The following THNSL2 variants were observed in gnomAD, a reference collection of about 807,000 sequenced individuals.
THNSL2 encodes threonine synthase-like 2.
THNSL2 carries 34 observed loss-of-function variants against 40.0 expected under a neutral mutation model. That is an observed-to-expected ratio of 0.85 (90% CI 0.65 to 1.13). THNSL2 has a LOEUF of 1.13. Among genes scored for constraint, THNSL2 ranks in the 50% most tolerant of loss-of-function variants. The pLI, the probability that THNSL2 is intolerant of heterozygous loss-of-function variation, is 0.00. For synonymous variants in THNSL2, 241 were observed against 247.5 expected (o/e 0.97, Z 0.25); for missense variants, 537 against 608.8 (o/e 0.88, Z 1.24).
chr2:88,175,356 C>T lies in THNSL2; in HGVS notation c.526C>T (p.Leu176Phe), dbSNP rs780428633. 2 of 1,614,178 alleles carry T rather than the reference C, an allele frequency of 1.2e-6. No individual in the cohort carries two copies. The highest frequency in any genetic ancestry group is 1.1e-5 in the South Asian group (1 of 91,074). The part of the protein sequence containing the change: ...PKGHCTKIQE[L>F]QMTTVLKQNV... ...AGGTCACTGCACAAAGATTCAGGAGCTCCAGATGACAACGGTGCTGAAGCA... is the reference window on the plus strand; with the variant it reads ...AGGTCACTGCACAAAGATTCAGGAGTTCCAGATGACAACGGTGCTGAAGCA... Residue 176 changes from leucine (L) to phenylalanine (F), a missense_variant, in exon 4 of 9, where the codon CTC (leucine) becomes TTC (phenylalanine). Transcript: ENST00000674334.
chr2:88,185,541 C>T, intron 8 of THNSL2, 62 bp downstream of exon 8: 1 of 1,556,636 alleles, frequency 6.4e-7, no homozygotes. Flanking sequence ...CCCTCTTCTT[C>T]TCCAAGCAGT....
chr2:88,172,701 T>G (rs1487471959), intron 1 of THNSL2: 1 of 153,504 alleles, frequency 6.5e-6, no homozygotes, highest in Non-Finnish European at 1.5e-5. Context: ...CCATTGAAGA[T>G]GTTTGGTTTT....
chr2:88,171,488 G>T, intron 1 of THNSL2: 1 of 367,562 alleles, frequency 2.7e-6, no homozygotes, highest in South Asian at 2.0e-5. Flanking sequence ...TTACTGCCTT[G>T]CTCGCTCCTG....
At chr2:88,179,450 G>A (rs910115012) in intron 5 of THNSL2, among the ~76,000 whole-genome samples, 9 of 152,228 alleles carry the variant, frequency 5.9e-5, no homozygotes, top group African/African-American at 2.2e-4. Flanking sequence ...CCCCGTGTGA[G>A]GTGGAAAGAG....
chr2:88,182,021 A>G (rs1037428747), intron 5 of THNSL2, among the ~76,000 whole-genome samples: 2 of 152,210 alleles, frequency 1.3e-5, no homozygotes, highest in African/African-American at 4.8e-5. Flanking sequence ...ATCAGCTGAT[A>G]GACATTTGGA....
At chr2:88,174,243 A>T (rs1291217002) in intron 2 of THNSL2, among the ~76,000 whole-genome samples, 1 of 152,214 alleles carries the variant, frequency 6.6e-6, no homozygotes, top group African/African-American at 2.4e-5. Flanking sequence ...GAGATTTAGT[A>T]ATGTAAGAAA....
rs568148341 is a variant in THNSL2, at chr2:88,180,538, C to T, written c.802+1525C>T. 6.6e-5 allele frequency among the ~76,000 whole-genome samples: 10 copies of T among 151,298 alleles called. No homozygotes were observed. In the South Asian group the frequency reaches 1.5e-3, roughly 22 times the overall value. ...GGTGAGCTGAGATTGTGCCATTGCA[C>T]TCCAGCCTGGGTAACAGAGAGAGAC... On this transcript the variant is annotated intron_variant, in intron 5 of 8. Transcript: ENST00000674334.
chr2:88,178,722 G>C, intron 4 of THNSL2, 61 bp from the exon 5 acceptor site: 1 of 1,585,916 alleles, frequency 6.3e-7, no homozygotes, highest in South Asian at 1.1e-5. Context: ...GCAGGTGAGT[G>C]CTGACCTCCT....
chr2:88,175,134 C>T (rs1181144698), intron 3 of THNSL2, 115 bp from the exon 4 acceptor site: 1 of 1,192,928 alleles, frequency 8.4e-7, no homozygotes, highest in African/African-American at 1.5e-5. Flanking sequence ...TTCATATCAT[C>T]CAAGTATTTG....
chr2:88,181,101 TC>T (rs1677498770), intron 5 of THNSL2, among the ~76,000 whole-genome samples: 1 of 1,454 alleles, frequency 6.9e-4, no homozygotes, highest in African/African-American at 1.7e-3. Context: ...CTCTCCTCTC[TC>T]CTCTCTCTCC....
intron 1 of THNSL2, chr2:88,172,907 A>T: frequency 2.8e-6 from 1 of 355,072 alleles, no homozygotes; most frequent in Non-Finnish European, 5.0e-6. Flanking sequence ...CTCTCCCTGA[A>T]GACAGGAGGT....
intron 7 of THNSL2, 39 bp downstream of exon 7, chr2:88,183,112 T>C (rs751632867): frequency 6.3e-7 from 1 of 1,595,368 alleles, no homozygotes; most frequent in Non-Finnish European, 8.6e-7. Context: ...AAGGAAAGGG[T>C]ACAGCCACAT....
intron 7 of THNSL2, 94 bp from the exon 8 acceptor site, chr2:88,185,234 G>C: frequency 6.7e-7 from 1 of 1,503,322 alleles, no homozygotes; most frequent in Non-Finnish European, 8.9e-7. Flanking sequence ...TGGATCCCTG[G>C]GGTTTGTGTG....
At chr2:88,185,561 A>G (rs775660623) in intron 8 of THNSL2, 82 bp downstream of exon 8, 3 of 1,552,368 alleles carry the variant, frequency 1.9e-6, no homozygotes, top group Non-Finnish European at 2.6e-6. Flanking sequence ...TGGGAGAGAC[A>G]GGACTACGAA....
At chr2:88,179,119 C>G (rs1265269562) in intron 5 of THNSL2, 106 bp downstream of exon 5, 7 of 1,163,786 alleles carry the variant, frequency 6.0e-6, no homozygotes, top group Non-Finnish European at 8.8e-6. Flanking sequence ...AAGGTGGAGT[C>G]CCAGTTCTGA....
At chr2:88,178,225 A>G (rs1036377402) in intron 4 of THNSL2, among the ~76,000 whole-genome samples, 17 of 152,202 alleles carry the variant, frequency 1.1e-4, no homozygotes, top group African/African-American at 4.1e-4. Context: ...AGGGAGGGGA[A>G]GTTCTGTCCA....
At chr2:88,173,027 C>A (rs1386127790) in intron 1 of THNSL2, 112 bp from the exon 2 acceptor site, 8 of 606,902 alleles carry the variant, frequency 1.3e-5, no homozygotes, top group South Asian at 9.2e-5. Flanking sequence ...GGACATGTGC[C>A]CCGGAGACTG....
chr2:88,178,856 C>A lies in THNSL2; in HGVS notation c.645C>A (p.His215Gln). Reference protein sequence around the residue: ...VFADVAFVKKHNLMSLNSINW... With the variant: ...VFADVAFVKKQNLMSLNSINW... ...CCGATGTGGCTTTTGTCAAGAAGCA[C>A]AATCTGATGAGCCTGAATTCGATCA... Residue 215 changes from histidine to glutamine, a missense_variant, in exon 5 of 9, where the codon CAC becomes CAA. Physicochemically the swap from His to Gln is conservative, Grantham distance 24 (BLOSUM62 0). Coordinates refer to ENST00000674334, the MANE Select transcript of THNSL2 (RefSeq NM_018271.5). 1 of 1,614,194 alleles carries A rather than the reference C, an allele frequency of 6.2e-7. No homozygotes were observed. The highest frequency in any genetic ancestry group is 8.5e-7 in the Non-Finnish European group (1 of 1,180,036).
At chr2:88,177,213 T>C (rs1677027410) in intron 4 of THNSL2, 1 of 152,200 alleles carries the variant, frequency 6.6e-6, no homozygotes, top group African/African-American at 2.4e-5. Context: ...TTCACAGAAA[T>C]CAGTTTTGTT....
Sources: allele counts gnomAD v4.1 joint callset (sites outside exome capture counted in the v4.1 genomes callset), GRCh38; gene constraint gnomAD v4.1.1; transcripts MANE v1.5; gene names NCBI Gene and HGNC (gene_info 2026-07-23, HGNC 2026-07-21).